KIF24: variants seen among roughly 807,000 people sequenced by gnomAD.
KIF24 encodes the protein kinesin family member 24.
A neutral mutation model predicts 118.9 loss-of-function variants in KIF24; 81 were observed. The observed-to-expected ratio is 0.68, with a 90% CI of 0.57 to 0.82. The LOEUF is 0.82. KIF24 is among the 40% of genes least tolerant of loss of function. The pLI is 0.00. For missense variants in KIF24, 1,560 were observed against 1,661.6 expected, an observed-to-expected ratio of 0.94 and a Z score of 1.06; for synonymous variants, 599 against 610.0, an observed-to-expected ratio of 0.98 and a Z score of 0.27.
chr9:34,266,399 C>T (rs1001952785), intron 8 of KIF24, among the ~76,000 whole-genome samples: 1 of 152,118 alleles, frequency 6.6e-6, no homozygotes, highest in African/African-American at 2.4e-5. Context: ...CAAGGCTCAA[C>T]CAGGCGCGGT....
At chr9:34,296,178 C>T (rs1210129691) in intron 4 of KIF24, among the ~76,000 whole-genome samples, 1 of 139,668 alleles carries the variant, frequency 7.2e-6, no homozygotes, top group Non-Finnish European at 1.5e-5. Flanking sequence ...GAGGTGGCGC[C>T]ACTGCACTCC....
rs1358547503 is a variant in KIF24, at chr9:34,318,316, T to C, written c.-25-6945A>G. 1 of 578,834 alleles carries C rather than the reference T, an allele frequency of 1.7e-6. No individual in the cohort carries two copies. The highest frequency in any genetic ancestry group is 1.9e-5 in the African/African-American group (1 of 53,384). 35.9% of individuals were successfully genotyped at this position (578,834 alleles called of 1,614,324 possible). ...GCGGCTCGAGAGCGAGACTCCCGTC[T>C]TGGAGCCAGCCCAGCCCAACCCAGC... On this transcript the variant is annotated intron_variant, in intron 1 of 12. Coordinates refer to ENST00000402558, the MANE Select transcript of KIF24 (RefSeq NM_194313.4). The surrounding 1 kb of genome is among the most constrained non-coding windows in gnomAD (Gnocchi z 4.9).
At chr9:34,311,672 GTATA>G (rs1563961388) in intron 1 of KIF24, among the ~76,000 whole-genome samples, 1 of 99,078 alleles carries the variant, frequency 1.0e-5, no homozygotes, top group African/African-American at 3.3e-5. Flanking sequence ...ATATATACGT[GTATA>G]TGTATATATA....
rs1837136762 is a variant in KIF24, at chr9:34,311,331, A to G, written c.16T>C (p.Tyr6His). 1 of 1,569,902 alleles carries G rather than the reference A, an allele frequency of 6.4e-7. No individual in the cohort carries two copies. The highest frequency in any genetic ancestry group is 1.9e-5 in the Admixed American group (1 of 51,600). The change falls in exon 2 of 13, where the codon TAT (tyrosine) becomes CAT (histidine). Residue 6 changes from tyrosine (Y) to histidine (H), a missense_variant. Physicochemically the swap from Tyr to His is moderately conservative, Grantham distance 83. This residue lies in a region of KIF24 where 964 missense variants were observed against 988.0 expected (regional missense o/e 0.98). Transcript: ENST00000402558. ...AGTTCAGCTTCACAAAGACATTCAT[A>G]TAACCAGGATGCCATTTTGGTGAAT... The part of the protein sequence containing the change: MASWL[Y>H]ECLCEAELAQ...
chr9:34,320,468 G>GAA (rs1837481078), intron 1 of KIF24, among the ~76,000 whole-genome samples: 1 of 151,486 alleles, frequency 6.6e-6, no homozygotes, highest in African/African-American at 2.4e-5. Context: ...GACCAGCCTG[G>GAA]CCAACATGGC....
At chr9:34,280,757 C>T (rs1835823434) in intron 6 of KIF24, among the ~76,000 whole-genome samples, 1 of 152,266 alleles carries the variant, frequency 6.6e-6, no homozygotes, top group African/African-American at 2.4e-5. Flanking sequence ...AATCTAATAA[C>T]GCAAACGTGA....
At position 34,252,503 on chromosome 9, in the gene KIF24, C is replaced by CTAAT. The variant is rs1834628426; in HGVS notation, c.*1873_*1876dup. 1 of 152,488 alleles carries CTAAT rather than the reference C, an allele frequency of 6.6e-6. No individual in the cohort carries two copies. The highest frequency in any genetic ancestry group is 2.1e-4 in the South Asian group (1 of 4,828). The allele number at this position is 152,488 out of a possible 1,614,324, so 9.4% of individuals were successfully genotyped here. A position where few individuals can be genotyped will look rare whatever the true frequency, so the allele number is the denominator to read the frequency against. ...TATTTTGATTCTTCAGAGAGAACTACTAATAAAAATCTAAAAGGTATGTCT... is the reference window on the plus strand; with the variant it reads ...TATTTTGATTCTTCAGAGAGAACTACTAATTAATAAAAATCTAAAAGGTATGTCT... On this transcript the variant is annotated 3_prime_UTR_variant, in exon 13 of 13. Transcript: ENST00000402558.
rs768909074 is a variant in KIF24, at chr9:34,318,715, C to A, written c.-25-7344G>T. The A allele has an allele frequency of 2.4e-4, 360 of 1,504,864 alleles. No individual in the cohort carries two copies. The highest frequency in any genetic ancestry group is 3.1e-4 in the Non-Finnish European group (347 of 1,104,110). The allele number at this position is 1,504,864 out of a possible 1,614,324, so 93.2% of individuals were successfully genotyped here. Reference sequence around the variant, plus strand: ...TGCTGAGTGCCAAGCAGCTGAGCGACGAGGAGGTGCACGCCGGCGTGGGCG... The same window carrying A: ...TGCTGAGTGCCAAGCAGCTGAGCGAAGAGGAGGTGCACGCCGGCGTGGGCG... On this transcript the variant is annotated intron_variant, in intron 1 of 12. Coordinates refer to ENST00000402558, the MANE Select transcript of KIF24 (RefSeq NM_194313.4). This position sits in a 1 kb window ranked among gnomAD's most constrained non-coding sequence, Gnocchi z 4.9.
Position 34,306,342 on chromosome 9 carries a change from T to C in KIF24, c.723A>G (p.Gly241=). 1.2e-6 allele frequency: 2 copies of C among 1,610,902 alleles called. No homozygotes were observed. Among genetic ancestry groups the C allele is most frequent in the Non-Finnish European group, 1.7e-6 (2 of 1,177,142 alleles). ...RPLGMREVRR[G]EINIITVEDK... Reference sequence around the variant, plus strand: ...CTTCTACAGTAATAATATTAATTTCTCCACGACGTACCTCCCTCATGCCCA... The same window carrying C: ...CTTCTACAGTAATAATATTAATTTCCCCACGACGTACCTCCCTCATGCCCA... Residue 241 remains glycine, a synonymous_variant, in exon 3 of 13, where the codon GGA becomes GGG. Transcript: ENST00000402558.
In KIF24 at chr9:34,255,103, T is replaced by A; in HGVS notation, c.3935A>T (p.Glu1312Val). ...LDEMAELGFK[E>V]ETLMSQLASN... ...AGCCAGCTGGCTCATCAGCGTCTCC[T>A]CCTTGAAGCCGAGCTCAGCCATTTC... The change falls in exon 12 of 13, where the codon GAG (glutamate) becomes GTG (valine). Residue 1312 changes from glutamate (E) to valine (V), a missense_variant. By Grantham distance (121) the Glu-to-Val change is moderately radical (BLOSUM62 -2). Coordinates refer to ENST00000402558, the MANE Select transcript of KIF24 (RefSeq NM_194313.4). 1 of 1,595,956 alleles carries A rather than the reference T, an allele frequency of 6.3e-7. No individual in the cohort carries two copies. Among genetic ancestry groups the A allele is most frequent in the Non-Finnish European group, 8.5e-7 (1 of 1,171,094 alleles).
intron 8 of KIF24, among the ~76,000 whole-genome samples, chr9:34,265,513 A>G (rs886776068): frequency 1.3e-5 from 2 of 152,212 alleles, no homozygotes; most frequent in Non-Finnish European, 2.9e-5. Context: ...AATCAAAATA[A>G]ATAAGGCAAT....
intron 6 of KIF24, among the ~76,000 whole-genome samples, chr9:34,276,402 C>CAA (rs11419785): frequency 0.028 from 2,229 of 80,616 alleles, 65 homozygotes; most frequent in African/African-American, 0.082. Flanking sequence ...AACTGCATCT[C>CAA]AAAAAAAAAA....
rs369938636 is a variant in KIF24, at chr9:34,311,189, C to T, written c.158G>A (p.Arg53His). The change falls in exon 2 of 13, where the codon CGT (arginine) becomes CAT (histidine). Residue 53 changes from arginine to histidine, a missense_variant. Physicochemically the swap from Arg to His is conservative, Grantham distance 29 (BLOSUM62 0). Coordinates refer to ENST00000402558, the MANE Select transcript of KIF24 (RefSeq NM_194313.4). ...LGVHDMNDRK[R>H]LFQLIKIIKI... The stretch of plus-strand genomic sequence containing the variant: ...AATAATTTTGATAAGTTGGAAGAGA[C>T]GTTTGCGGTCGTTCATGTCATGGAC... The T allele has an allele frequency of 3.5e-5, 57 of 1,612,988 alleles. No individual in the cohort carries two copies. Among genetic ancestry groups the T allele is most frequent in the Non-Finnish European group, 4.6e-5 (54 of 1,179,318 alleles).
chr9:34,329,385 C>T (rs1837805153), upstream of KIF24: 4 of 152,252 alleles, frequency 2.6e-5, no homozygotes, highest in Admixed American at 2.6e-4. Flanking sequence ...TCTGAAGAAA[C>T]CGTGGGCGTA....
At chr9:34,271,754 A>G (rs1444662909) in intron 7 of KIF24, 55 bp downstream of exon 7, 1 of 1,593,854 alleles carries the variant, frequency 6.3e-7, no homozygotes, top group Non-Finnish European at 8.6e-7. Flanking sequence ...AACATACTTC[A>G]AAGTCACATT....
intron 1 of KIF24, among the ~76,000 whole-genome samples, chr9:34,328,125 C>G (rs62556643): frequency 0.47 from 71,964 of 152,006 alleles, 19,982 homozygotes; most frequent in South Asian, 0.64. Context: ...CATGAGTTAA[C>G]AACGAAACAG....
chr9:34,318,436 C>A lies in KIF24; in HGVS notation c.-25-7065G>T. The A allele has an allele frequency of 1.4e-6, 1 of 712,714 alleles. No individual in the cohort carries two copies. The highest frequency in any genetic ancestry group is 2.5e-6 in the Non-Finnish European group (1 of 393,122). The allele number at this position is 712,714 out of a possible 1,614,324, so 44.1% of individuals were successfully genotyped here. On this transcript the variant is annotated intron_variant, in intron 1 of 12. Coordinates refer to ENST00000402558, the MANE Select transcript of KIF24 (RefSeq NM_194313.4). This position sits in a 1 kb window ranked among gnomAD's most constrained non-coding sequence, Gnocchi z 4.9. ...CCCTCCTGCTCCTCAGCGCCTTCTG[C>A]CTCCTGGCGGTGGCCTTGGCGACCG...
chr9:34,318,790 G>A lies in KIF24; in HGVS notation c.-25-7419C>T, dbSNP rs180784844. ...CCACCGCGCGCAACGTGACCTGGAAGCTGTGCAGTCGCCTGTAGGGACCCA... is the reference window on the plus strand; with the variant it reads ...CCACCGCGCGCAACGTGACCTGGAAACTGTGCAGTCGCCTGTAGGGACCCA... On this transcript the variant is annotated intron_variant, in intron 1 of 12. Transcript: ENST00000402558. The surrounding 1 kb of genome is among the most constrained non-coding windows in gnomAD (Gnocchi z 4.9). 1.6e-5 allele frequency: 25 copies of A among 1,545,564 alleles called. No homozygotes were observed. The East Asian group carries it at 3.2e-4, about 20-fold the overall frequency.
At chr9:34,286,576 C>A in intron 6 of KIF24, 41 bp downstream of exon 6, 1 of 1,384,802 alleles carries the variant, frequency 7.2e-7, no homozygotes, top group Non-Finnish European at 1.0e-6. Context: ...CCTGTACTTA[C>A]ACTGTTGTGG....
Sources: allele counts gnomAD v4.1 joint callset (sites outside exome capture counted in the v4.1 genomes callset), GRCh38; gene constraint gnomAD v4.1.1; regional missense constraint gnomAD v4.1.1; non-coding constraint Gnocchi (gnomAD v3.1); transcripts MANE v1.5; gene names NCBI Gene and HGNC (gene_info 2026-07-23, HGNC 2026-07-21).